SLC15A5: variants seen among roughly 807,000 people sequenced by gnomAD.
SLC15A5 encodes Peptide/histidine transporter ENSP00000340402.
A neutral mutation model predicts 56.1 loss-of-function variants in SLC15A5; 58 were observed. The observed-to-expected ratio is 1.03, with a 90% CI of 0.84 to 1.29. The LOEUF (loss-of-function observed/expected upper bound fraction) is 1.29. Ranked by LOEUF, SLC15A5 falls within the 50% of genes most tolerant of loss-of-function variation. SLC15A5 has a pLI of 0.00. For missense variants in SLC15A5, 681 were observed against 672.1 expected (o/e 1.01, Z -0.15); for synonymous variants, 264 against 250.5 (o/e 1.05, Z -0.51).
At chr12:16,194,641 C>T (rs1230266084) in intron 7 of SLC15A5, among the ~76,000 whole-genome samples, 188 bp from the exon 8 acceptor site, 1 of 151,978 alleles carries the variant, frequency 6.6e-6, no homozygotes, top group Non-Finnish European at 1.5e-5. Flanking sequence ...AAGCAAAGCA[C>T]CCCAAATATT....
chr12:16,241,507 A>G (rs892630040), intron 4 of SLC15A5, among the ~76,000 whole-genome samples: 2 of 152,252 alleles, frequency 1.3e-5, no homozygotes, highest in African/African-American at 4.8e-5. Flanking sequence ...TCTGTAGACA[A>G]CGTGTCCTGG....
intron 7 of SLC15A5, among the ~76,000 whole-genome samples, chr12:16,212,472 T>C (rs545945734): frequency 6.6e-6 from 1 of 152,088 alleles, no homozygotes; most frequent in South Asian, 2.1e-4. Flanking sequence ...TGAGGAATAC[T>C]ATTCTGATGG....
intron 6 of SLC15A5, among the ~76,000 whole-genome samples, chr12:16,222,602 C>T (rs1050691011): frequency 1.3e-5 from 2 of 152,144 alleles, no homozygotes; most frequent in Non-Finnish European, 2.9e-5. Flanking sequence ...GGTCCATTAT[C>T]CCAATAGCAG....
At chr12:16,219,432 A>G (rs1488362777) in intron 6 of SLC15A5, among the ~76,000 whole-genome samples, 3 of 152,220 alleles carry the variant, frequency 2.0e-5, no homozygotes, top group African/African-American at 7.2e-5. Context: ...AAGTACAAGG[A>G]GACAAGCAAT....
intron 5 of SLC15A5, among the ~76,000 whole-genome samples, chr12:16,229,404 C>G (rs1456335547): frequency 3.9e-5 from 6 of 152,162 alleles, no homozygotes; most frequent in African/African-American, 1.4e-4. Context: ...TGAAACCATC[C>G]TGTCTAATGC....
In SLC15A5 at chr12:16,229,021, A is replaced by G. The variant is rs539239663; in HGVS notation, c.1163-4419T>C. 3.3e-5 allele frequency among the ~76,000 whole-genome samples: 5 copies of G among 152,282 alleles called. No homozygotes were observed. The East Asian group carries it at 9.6e-4, about 29-fold the overall frequency. On this transcript the variant is annotated intron_variant, in intron 5 of 8. Coordinates refer to ENST00000344941, the MANE Select transcript of SLC15A5 (RefSeq NM_001170798.1). ...TTTGCTTCTATCCATAGCCACTGCC[A>G]TCATTCCAAGCCAAGCCATTCTCAT...
In SLC15A5 at chr12:16,269,522, A is replaced by G. The variant is rs968921440; in HGVS notation, c.584+3039T>C. ...AATGTTCTTGTGAATATTAAAATAG[A>G]TTCTGGAAAAATGCTGTGGGATAAT... On this transcript the variant is annotated intron_variant, in intron 2 of 8. Coordinates refer to ENST00000344941, the MANE Select transcript of SLC15A5 (RefSeq NM_001170798.1). This position sits in a 1 kb window ranked among gnomAD's most constrained non-coding sequence, Gnocchi z 4.7. Among the ~76,000 whole-genome samples, 3 of 152,202 alleles carry G rather than the reference A, an allele frequency of 2.0e-5. No homozygotes were observed. Among genetic ancestry groups the G allele is most frequent in the Admixed American group, 6.5e-5 (1 of 15,274 alleles).
At position 16,271,714 on chromosome 12, in the gene SLC15A5, A is replaced by T. The variant is rs576923971; in HGVS notation, c.584+847T>A. ...ACATCTGTTTGACATCCACTGATAGATAACAAAGAATAACAAAGAAGTTTT... is the reference window on the plus strand; with the variant it reads ...ACATCTGTTTGACATCCACTGATAGTTAACAAAGAATAACAAAGAAGTTTT... On this transcript the variant is annotated intron_variant, in intron 2 of 8. Coordinates refer to ENST00000344941, the MANE Select transcript of SLC15A5 (RefSeq NM_001170798.1). This position sits in a 1 kb window ranked among gnomAD's most constrained non-coding sequence, Gnocchi z 8.0. Among the ~76,000 whole-genome samples the T allele has an allele frequency of 6.6e-6, 1 of 152,330 alleles. No individual in the cohort carries two copies. The highest frequency in any genetic ancestry group is 1.9e-4 in the East Asian group (1 of 5,182).
At chr12:16,222,268 G>T (rs1364192928) in intron 6 of SLC15A5, among the ~76,000 whole-genome samples, 1 of 152,168 alleles carries the variant, frequency 6.6e-6, no homozygotes, top group African/African-American at 2.4e-5. Context: ...CACAGAGTTA[G>T]TCAGTGACAG....
chr12:16,251,257 A>G (rs888861900), intron 3 of SLC15A5, among the ~76,000 whole-genome samples: 2 of 151,906 alleles, frequency 1.3e-5, no homozygotes, highest in Admixed American at 1.3e-4. Flanking sequence ...ATCTCAAATC[A>G]ATAACTTAAC....
chr12:16,195,656 T>C (rs1453002145), intron 7 of SLC15A5, among the ~76,000 whole-genome samples: 1 of 152,076 alleles, frequency 6.6e-6, no homozygotes, highest in African/African-American at 2.4e-5. Context: ...GTTGACCCAA[T>C]AGGACTGGGC....
In SLC15A5 at chr12:16,273,216, T is replaced by C. The variant is rs532922557; in HGVS notation, c.362-433A>G. On this transcript the variant is annotated intron_variant, in intron 1 of 8. Transcript: ENST00000344941. ...CCATGATCTCACACATCTCAGAAGC[T>C]TATTACCTAAAAGCTTTTAAGAAGA... Among the ~76,000 whole-genome samples the C allele has an allele frequency of 6.5e-4, 99 of 152,214 alleles. 1 individual carries two copies. The South Asian group carries it at 0.021, about 32-fold the overall frequency.
At chr12:16,264,999 G>A (rs1864679920) in intron 2 of SLC15A5, among the ~76,000 whole-genome samples, 1 of 152,164 alleles carries the variant, frequency 6.6e-6, no homozygotes, top group African/African-American at 2.4e-5. Context: ...CAGGAAGTGT[G>A]GTCCAGGTTA....
intron 4 of SLC15A5, 116 bp from the exon 5 acceptor site, chr12:16,239,983 T>G (rs1675315689): frequency 2.1e-6 from 2 of 960,006 alleles, no homozygotes; most frequent in Admixed American, 2.9e-5. Context: ...AGCTGGATGT[T>G]GCCTAGTTTT....
chr12:16,219,239 G>A (rs1224928694), intron 6 of SLC15A5, among the ~76,000 whole-genome samples: 1 of 152,156 alleles, frequency 6.6e-6, no homozygotes, highest in Non-Finnish European at 1.5e-5. Flanking sequence ...ATACTGTGGA[G>A]AAGGGCTTCA....
In SLC15A5 at chr12:16,277,306, G is replaced by C. The variant is rs1864829930; in HGVS notation, c.361+19C>G. ...CTTAATTAAGTCACAAAACAATCCA[G>C]TCAGCAGAGGACACTCACCTAGAAA... On this transcript the variant is annotated intron_variant, in intron 1 of 8. Coordinates refer to ENST00000344941, the MANE Select transcript of SLC15A5 (RefSeq NM_001170798.1). 4 of 1,485,650 alleles carry C rather than the reference G, an allele frequency of 2.7e-6. No individual in the cohort carries two copies. In the South Asian group the frequency reaches 5.4e-5, roughly 20 times the overall value. 92.0% of individuals were successfully genotyped at this position (1,485,650 alleles called of 1,614,324 possible).
intron 5 of SLC15A5, among the ~76,000 whole-genome samples, chr12:16,236,873 T>C (rs1375102513): frequency 6.6e-6 from 1 of 152,330 alleles, no homozygotes; most frequent in East Asian, 1.9e-4. Flanking sequence ...TTAACTTCTA[T>C]AATCTAACAG....
rs1591662940 is a variant in SLC15A5 at position 16,271,092 on chromosome 12, C to T, written c.584+1469G>A. 3.9e-5 allele frequency among the ~76,000 whole-genome samples: 6 copies of T among 152,088 alleles called. No individual in the cohort carries two copies. Among genetic ancestry groups the T allele is most frequent in the East Asian group, 1.9e-4 (1 of 5,182 alleles). On this transcript the variant is annotated intron_variant, in intron 2 of 8. Transcript: ENST00000344941. The surrounding 1 kb of genome is among the most constrained non-coding windows in gnomAD (Gnocchi z 8.0). ...ATCCTAAATTTGGCCTGGTTCCTTA[C>T]AGCTGCAGAAATTCATTTTCACCCC...
At position 16,244,919 on chromosome 12, in the gene SLC15A5, C is replaced by G. The variant is rs924770711; in HGVS notation, c.755-119G>C. The G allele has an allele frequency of 4.6e-6, 5 of 1,084,352 alleles. No individual in the cohort carries two copies. The African/African-American group carries it at 7.9e-5, about 17-fold the overall frequency. 67.2% of individuals were successfully genotyped at this position (1,084,352 alleles called of 1,614,324 possible). A position where few individuals can be genotyped will look rare whatever the true frequency, so the allele number is the denominator to read the frequency against. On this transcript the variant is annotated intron_variant, in intron 3 of 8. Transcript: ENST00000344941. ...GGCAGTGAAGTGAGAAAGTTTTTAGCACCCAAGGGGTCGGACTCAAAGGAC... is the reference window on the plus strand; with the variant it reads ...GGCAGTGAAGTGAGAAAGTTTTTAGGACCCAAGGGGTCGGACTCAAAGGAC...
Sources: allele counts gnomAD v4.1 joint callset (sites outside exome capture counted in the v4.1 genomes callset), GRCh38; gene constraint gnomAD v4.1.1; non-coding constraint Gnocchi (gnomAD v3.1); transcripts MANE v1.5; gene names NCBI Gene and HGNC (gene_info 2026-07-23, HGNC 2026-07-21).